CAST: variants seen among roughly 807,000 people sequenced by gnomAD.
CAST encodes calpastatin.
CAST carries 76 observed loss-of-function variants against 119.6 expected under a neutral mutation model. That is an observed-to-expected ratio of 0.64 (90% CI 0.53 to 0.77). The LOEUF is 0.77. Among genes scored for constraint, CAST ranks in the 30% least tolerant of loss-of-function variants. CAST has a pLI of 0.00. For missense variants in CAST, 953 were observed against 946.5 expected, an observed-to-expected ratio of 1.01 and a Z score of -0.09; for synonymous variants, 319 against 331.6, an observed-to-expected ratio of 0.96 and a Z score of 0.41.
chr5:96,133,068 A>G, the CAST span, among the ~76,000 whole-genome samples: 1 of 152,326 alleles, frequency 6.6e-6, no homozygotes, highest in East Asian at 1.9e-4. Context: ...AGTCTGTCAC[A>G]TGAAGGGTAC....
chr5:96,177,815 G>C, the CAST span, among the ~76,000 whole-genome samples: 2 of 152,164 alleles, frequency 1.3e-5, no homozygotes, highest in African/African-American at 4.8e-5. Context: ...GCTGCTTCTG[G>C]TTCTGCAACT....
At chr5:96,506,310 C>T in the CAST span, among the ~76,000 whole-genome samples, 111 of 149,252 alleles carry the variant, frequency 7.4e-4, no homozygotes, top group Middle Eastern at 0.017. Flanking sequence ...TTATTGAGCA[C>T]CTACTAATGT....
chr5:96,062,302 A>G, the CAST span, among the ~76,000 whole-genome samples: 1 of 152,152 alleles, frequency 6.6e-6, no homozygotes, highest in Admixed American at 6.6e-5. Context: ...TTGTGAAGAC[A>G]TAAGTGAAGT....
intron 1 of CAST, among the ~76,000 whole-genome samples, chr5:96,672,400 T>A (rs1750184732): frequency 6.6e-6 from 1 of 152,132 alleles, no homozygotes; most frequent in Admixed American, 6.6e-5. Flanking sequence ...TTTTTCATAA[T>A]AAAAAGCTGG....
chr5:96,265,745 T>A, the CAST span, among the ~76,000 whole-genome samples: 1 of 152,172 alleles, frequency 6.6e-6, no homozygotes, highest in Non-Finnish European at 1.5e-5. Context: ...AATTAACCAT[T>A]CCAGTGTAGT....
chr5:96,468,267 A>G, the CAST span, among the ~76,000 whole-genome samples: 1 of 152,036 alleles, frequency 6.6e-6, no homozygotes, highest in South Asian at 2.1e-4. Context: ...AAAAAATGGC[A>G]CATGAGGTAC....
At chr5:96,236,746 C>A in the CAST span, among the ~76,000 whole-genome samples, 5 of 152,154 alleles carry the variant, frequency 3.3e-5, no homozygotes, top group African/African-American at 7.2e-5. Context: ...AAATTCAAAT[C>A]GAACTGGGTG....
At chr5:95,961,441 C>A in the CAST span, 1 of 1,165,492 alleles carries the variant, frequency 8.6e-7, no homozygotes, top group Non-Finnish European at 1.1e-6. Flanking sequence ...CCGGCCCTGC[C>A]CTGCCTGGCC....
the CAST span, among the ~76,000 whole-genome samples, chr5:96,198,133 A>G: frequency 6.6e-6 from 1 of 152,070 alleles, no homozygotes; most frequent in Non-Finnish European, 1.5e-5. Flanking sequence ...TGACTTGGCA[A>G]TCTGTAGAGA....
At chr5:96,561,796 G>GTTTTTGTTTTTTTTT (rs1746370693) in intron 1 of CAST, among the ~76,000 whole-genome samples, 1 of 97,422 alleles carries the variant, frequency 1.0e-5, no homozygotes, top group African/African-American at 3.8e-5. Flanking sequence ...GTTTTTTTTT[G>GTTTTTGTTTTTTTTT]TTTTTTTTTT....
chr5:96,389,796 G>A, the CAST span, among the ~76,000 whole-genome samples: 1 of 152,152 alleles, frequency 6.6e-6, no homozygotes, highest in African/African-American at 2.4e-5. Context: ...TTAGCTGGGT[G>A]TGGCGGTGCA....
chr5:95,993,724 A>G, the CAST span, among the ~76,000 whole-genome samples: 1 of 152,194 alleles, frequency 6.6e-6, no homozygotes, highest in African/African-American at 2.4e-5. Context: ...AAGTATCTGC[A>G]AAACACATTT....
At chr5:96,586,455 T>C (rs1330654908) in intron 1 of CAST, among the ~76,000 whole-genome samples, 1 of 152,196 alleles carries the variant, frequency 6.6e-6, no homozygotes, top group Admixed American at 6.5e-5. Flanking sequence ...TGCCTTGAAT[T>C]AAACAAGAAT....
the CAST span, among the ~76,000 whole-genome samples, chr5:96,255,527 CT>C: frequency 6.6e-6 from 1 of 151,002 alleles, no homozygotes; most frequent in African/African-American, 2.5e-5. Context: ...TACATATTTA[CT>C]GTTAGGGCAG....
At chr5:96,340,823 A>G in the CAST span, among the ~76,000 whole-genome samples, 1 of 152,204 alleles carries the variant, frequency 6.6e-6, no homozygotes, top group African/African-American at 2.4e-5. Context: ...AGTATATACT[A>G]TGACTATTTT....
At chr5:96,476,742 C>T in the CAST span, among the ~76,000 whole-genome samples, 2 of 152,108 alleles carry the variant, frequency 1.3e-5, no homozygotes, top group Non-Finnish European at 2.9e-5. Flanking sequence ...ACTTTCAATA[C>T]ACTGGAAGAG....
Position 96,747,303 on chromosome 5 carries a change from A to C in CAST, c.1285-42A>C, listed in dbSNP as rs764087689. The C allele has an allele frequency of 1.1e-5, 15 of 1,374,198 alleles. No individual in the cohort carries two copies. The Admixed American group carries it at 2.5e-4, about 22-fold the overall frequency. 85.1% of individuals were successfully genotyped at this position (1,374,198 alleles called of 1,614,324 possible). A position where few individuals can be genotyped will look rare whatever the true frequency, so the allele number is the denominator to read the frequency against. On this transcript the variant is annotated intron_variant, in intron 17 of 31. Transcript: ENST00000675179. ...AAACTTGATGGGACATGAAAGCAAA[A>C]TTTTCTATTTCATTTCCAATGAATT...
intron 29 of CAST, 189 bp from the exon 30 acceptor site, chr5:96,770,342 T>C: frequency 3.6e-6 from 2 of 548,374 alleles, no homozygotes; most frequent in South Asian, 4.4e-5. Context: ...TTCTATCCTT[T>C]TTCCCTCCTG....
At chr5:96,575,774 T>C (rs1746659795) in intron 1 of CAST, among the ~76,000 whole-genome samples, 1 of 152,042 alleles carries the variant, frequency 6.6e-6, no homozygotes, top group South Asian at 2.1e-4. Flanking sequence ...CCTTGAGTAC[T>C]TGGGGCTACA....
Sources: gnomAD v4.1 joint callset for allele counts (sites outside exome capture counted in the v4.1 genomes callset) on GRCh38, gnomAD v4.1.1 for gene constraint, MANE v1.5 for transcripts, NCBI Gene and HGNC (gene_info 2026-07-23, HGNC 2026-07-21) for gene names.